Variants in GTF2F2 observed in about 807,000 individuals in gnomAD.
The protein encoded by GTF2F2 is ATP-dependent helicase GTF2F2.
GTF2F2 carries 23 observed loss-of-function variants against 42.2 expected under a neutral mutation model. That is an observed-to-expected ratio of 0.55 (90% CI 0.39 to 0.77). The LOEUF (loss-of-function observed/expected upper bound fraction) is 0.77, where lower values mean the gene tolerates loss of function less well. Among genes scored for constraint, GTF2F2 ranks in the 30% least tolerant of loss-of-function variants. The pLI is 0.00. For synonymous variants in GTF2F2, 105 were observed against 100.8 expected, an observed-to-expected ratio of 1.04 and a Z score of -0.25; for missense variants, 261 against 287.2, an observed-to-expected ratio of 0.91 and a Z score of 0.66.
chr13:45,259,803 G>A (rs867759763), intron 6 of GTF2F2, among the ~76,000 whole-genome samples: 3 of 151,720 alleles, frequency 2.0e-5, no homozygotes, highest in Admixed American at 6.6e-5. Flanking sequence ...GACTACAGGC[G>A]CCCGCCACCA....
chr13:45,177,658 G>A (rs1174038738), intron 4 of GTF2F2, among the ~76,000 whole-genome samples: 1 of 152,054 alleles, frequency 6.6e-6, no homozygotes, highest in Admixed American at 6.6e-5. Context: ...TAGTGATGCT[G>A]GCAATTCAGA....
chr13:45,230,879 G>A (rs1487263385), intron 5 of GTF2F2, among the ~76,000 whole-genome samples: 1 of 152,134 alleles, frequency 6.6e-6, no homozygotes, highest in African/African-American at 2.4e-5. Context: ...GGATAAGACA[G>A]AAGTGTTTAA....
chr13:45,216,015 G>A (rs1224477517), intron 5 of GTF2F2, among the ~76,000 whole-genome samples: 1 of 151,978 alleles, frequency 6.6e-6, no homozygotes, highest in Non-Finnish European at 1.5e-5. Flanking sequence ...ACTTTGGGAG[G>A]CCGAGTCTTG....
intron 3 of GTF2F2, among the ~76,000 whole-genome samples, chr13:45,150,845 G>GA (rs1870455390): frequency 6.6e-6 from 1 of 151,736 alleles, no homozygotes; most frequent in African/African-American, 2.4e-5. Context: ...CGCCCAGCCA[G>GA]AAAAAATAAT....
At chr13:45,224,549 T>C (rs1249328937) in intron 5 of GTF2F2, among the ~76,000 whole-genome samples, 1 of 152,196 alleles carries the variant, frequency 6.6e-6, no homozygotes, top group East Asian at 1.9e-4. Context: ...AATCACAAAA[T>C]AGAAAATATG....
intron 5 of GTF2F2, among the ~76,000 whole-genome samples, chr13:45,221,661 C>A (rs779234257): frequency 6.6e-6 from 1 of 152,114 alleles, no homozygotes; most frequent in Non-Finnish European, 1.5e-5. Context: ...CTTCCTTCCC[C>A]CTATGGACCA....
chr13:45,225,471 C>T (rs375854951), intron 5 of GTF2F2, among the ~76,000 whole-genome samples: 3 of 151,770 alleles, frequency 2.0e-5, no homozygotes, highest in African/African-American at 7.3e-5. Flanking sequence ...GGCCTGTTGG[C>T]CGGGCATCAT....
At chr13:45,213,075 T>C (rs1873757796) in intron 5 of GTF2F2, among the ~76,000 whole-genome samples, 1 of 146,568 alleles carries the variant, frequency 6.8e-6, no homozygotes, top group Admixed American at 6.8e-5. Context: ...TTTATTCTTA[T>C]TCTTCTTCTT....
rs989683605 is a variant in GTF2F2, at chr13:45,127,638, G to GT, written c.66+6926dup. Among the ~76,000 whole-genome samples the GT allele has an allele frequency of 6.3e-3, 945 of 150,264 alleles. 9 individuals carry two copies. The highest frequency in any genetic ancestry group is 0.018 in the African/African-American group (719 of 40,968). ...GGCATGAGCCACCACCCCTGGCCTTGTTTTTTTTTGGAGACGGAATCTTGC... is the reference window on the plus strand; with the variant it reads ...GGCATGAGCCACCACCCCTGGCCTTGTTTTTTTTTTGGAGACGGAATCTTGC... On this transcript the variant is annotated intron_variant, in intron 1 of 7. Transcript: ENST00000340473.
chr13:45,236,527 A>G (rs1052706012), intron 5 of GTF2F2, among the ~76,000 whole-genome samples: 2 of 144,210 alleles, frequency 1.4e-5, no homozygotes, highest in Non-Finnish European at 3.0e-5. Context: ...ACACACACAC[A>G]CAAGTTTATG....
rs1037331988 is a variant in GTF2F2, at chr13:45,134,535, C to T, written c.67-2198C>T. Among the ~76,000 whole-genome samples, 8 of 152,068 alleles carry T rather than the reference C, an allele frequency of 5.3e-5. No individual in the cohort carries two copies. The East Asian group carries it at 5.8e-4, about 11-fold the overall frequency. On this transcript the variant is annotated intron_variant, in intron 1 of 7. Coordinates refer to ENST00000340473, the MANE Select transcript of GTF2F2 (RefSeq NM_004128.3). Reference sequence around the variant, plus strand: ...TTTTTGTTATTTGGCACATGAAATCCTCTTTAAGTGGGTTTTCTGTCACCT... The same window carrying T: ...TTTTTGTTATTTGGCACATGAAATCTTCTTTAAGTGGGTTTTCTGTCACCT...
chr13:45,175,745 C>T (rs1445393916), intron 4 of GTF2F2, among the ~76,000 whole-genome samples: 1 of 152,174 alleles, frequency 6.6e-6, no homozygotes, highest in Non-Finnish European at 1.5e-5. Flanking sequence ...GCCTCAGCCT[C>T]CCGAGTAGCT....
intron 1 of GTF2F2, among the ~76,000 whole-genome samples, chr13:45,126,245 CTTTTTT>C (rs11383296): frequency 2.0e-5 from 2 of 100,642 alleles, no homozygotes; most frequent in African/African-American, 8.7e-5. Flanking sequence ...GGAAGAACGA[CTTTTTT>C]TTTTTTTTTT....
At chr13:45,246,134 G>A (rs564660947) in intron 5 of GTF2F2, among the ~76,000 whole-genome samples, 1 of 150,740 alleles carries the variant, frequency 6.6e-6, no homozygotes, top group East Asian at 2.0e-4. Context: ...TCAGCCTCCC[G>A]AGTAGCTGGG....
chr13:45,269,128 G>A (rs1408973879), intron 7 of GTF2F2, among the ~76,000 whole-genome samples: 1 of 152,140 alleles, frequency 6.6e-6, no homozygotes, highest in East Asian at 1.9e-4. Context: ...ATTATTTAGA[G>A]ACTAAATTGC....
intron 6 of GTF2F2, among the ~76,000 whole-genome samples, chr13:45,256,816 T>C (rs1050198923): frequency 1.3e-5 from 2 of 152,178 alleles, no homozygotes; most frequent in African/African-American, 4.8e-5. Context: ...TAACTCGATA[T>C]AATGTTGAAA....
Position 45,193,988 on chromosome 13 carries a change from T to C in GTF2F2, c.305-13436T>C, listed in dbSNP as rs772248786. The C allele has an allele frequency of 3.1e-6, 5 of 1,613,678 alleles. No homozygotes were observed. Among genetic ancestry groups the C allele is most frequent in the Non-Finnish European group, 4.2e-6 (5 of 1,179,712 alleles). On this transcript the variant is annotated intron_variant, in intron 4 of 7. Transcript: ENST00000340473. Reference sequence around the variant, plus strand: ...GACTTTATGAAGTATTTAAATTGGATGATATTTGACGATATTGAAAACTCC... The same window carrying C: ...GACTTTATGAAGTATTTAAATTGGACGATATTTGACGATATTGAAAACTCC...
intron 4 of GTF2F2, among the ~76,000 whole-genome samples, chr13:45,191,224 AATATATATAT>A (rs1165963910): frequency 2.8e-4 from 21 of 75,316 alleles, no homozygotes; most frequent in African/African-American, 1.6e-3. Context: ...ACAAAAAAAA[AATATATATAT>A]ATATATATAT....
chr13:45,177,098 T>C (rs573240041), intron 4 of GTF2F2, among the ~76,000 whole-genome samples: 3 of 152,224 alleles, frequency 2.0e-5, no homozygotes, highest in East Asian at 3.9e-4. Context: ...CCTGGAATTG[T>C]TTTTTCTGTA....
Sources: allele counts gnomAD v4.1 joint callset (sites outside exome capture counted in the v4.1 genomes callset), GRCh38; gene constraint gnomAD v4.1.1; transcripts MANE v1.5; gene names NCBI Gene and HGNC (gene_info 2026-07-23, HGNC 2026-07-21).